ZSCAN25: variants seen among roughly 807,000 people sequenced by gnomAD.
ZSCAN25 encodes the protein zinc finger and SCAN domain-containing protein 25.
In ZSCAN25, 27 loss-of-function variants were observed where a neutral mutation model predicts 38.7. The observed-to-expected ratio is 0.70, with a 90% CI of 0.51 to 0.96. ZSCAN25 has a LOEUF of 0.96. Among genes scored for constraint, ZSCAN25 ranks in the 40% least tolerant of loss-of-function variants. The pLI is 0.00. For missense variants in ZSCAN25, 637 were observed against 705.9 expected (o/e 0.90, Z 1.11); for synonymous variants, 273 against 277.7 (o/e 0.98, Z 0.17).
chr7:99,737,634 T>C, the ZSCAN25 span, among the ~76,000 whole-genome samples: 1 of 152,234 alleles, frequency 6.6e-6, no homozygotes, highest in Non-Finnish European at 1.5e-5. Context: ...AAAACTCTTA[T>C]GGAAACGATT....
the ZSCAN25 span, chr7:99,676,403 T>A: frequency 6.6e-7 from 1 of 1,507,490 alleles, no homozygotes; most frequent in African/African-American, 1.4e-5. Context: ...CCCTGAAAAG[T>A]CTCAATGATT....
the ZSCAN25 span, among the ~76,000 whole-genome samples, chr7:99,690,324 A>G: frequency 2.6e-5 from 4 of 152,254 alleles, no homozygotes; most frequent in Non-Finnish European, 5.9e-5. Context: ...TACATGTTAG[A>G]CCTAAAACCA....
At chr7:99,675,915 C>G in the ZSCAN25 span, among the ~76,000 whole-genome samples, 8 of 151,182 alleles carry the variant, frequency 5.3e-5, no homozygotes, top group Admixed American at 1.3e-4. Flanking sequence ...AGGCTGTTCT[C>G]AAACTCCTGG....
chr7:99,726,672 T>G, the ZSCAN25 span, among the ~76,000 whole-genome samples: 1 of 152,152 alleles, frequency 6.6e-6, no homozygotes, highest in South Asian at 2.1e-4. Flanking sequence ...CCAAGCTCTC[T>G]CTCATGATTT....
At chr7:99,674,706 TGAAG>T in the ZSCAN25 span, 1 of 700,210 alleles carries the variant, frequency 1.4e-6, no homozygotes, top group Non-Finnish European at 2.4e-6. Flanking sequence ...CACTGGCAGT[TGAAG>T]GAAGCTATTC....
chr7:99,720,182 ATGGGCAGGATGAAG>A, the ZSCAN25 span: 1 of 1,081,034 alleles, frequency 9.3e-7, no homozygotes, highest in Non-Finnish European at 1.4e-6. Flanking sequence ...ACCATGGGGG[ATGGGCAGGATGAAG>A]TGTACATGGA....
At chr7:99,676,621 T>C in the ZSCAN25 span, 6 of 1,216,226 alleles carry the variant, frequency 4.9e-6, no homozygotes, top group Non-Finnish European at 6.7e-6. Context: ...GCACTGATGA[T>C]GAGATTTTGC....
chr7:99,673,903 C>G, the ZSCAN25 span, among the ~76,000 whole-genome samples: 1 of 152,346 alleles, frequency 6.6e-6, no homozygotes. Flanking sequence ...TGCTCCTAGC[C>G]TAGTTCAGAC....
the ZSCAN25 span, among the ~76,000 whole-genome samples, chr7:99,686,570 C>G: frequency 3.3e-5 from 5 of 152,246 alleles, no homozygotes; most frequent in Non-Finnish European, 2.9e-5. Flanking sequence ...TTAGGCTCCA[C>G]CTCTGGGGGC....
At chr7:99,710,984 C>A in the ZSCAN25 span, 1 of 1,595,292 alleles carries the variant, frequency 6.3e-7, no homozygotes, top group Non-Finnish European at 8.5e-7. Flanking sequence ...ACCTTCAAAT[C>A]CCCAGGGGAA....
chr7:99,722,821 T>C, the ZSCAN25 span, among the ~76,000 whole-genome samples: 2 of 152,306 alleles, frequency 1.3e-5, no homozygotes, highest in Admixed American at 1.3e-4. Context: ...ATTAGAAAGT[T>C]ACAGACACCA....
chr7:99,672,411 G>A, the ZSCAN25 span, among the ~76,000 whole-genome samples: 3 of 151,998 alleles, frequency 2.0e-5, no homozygotes, highest in East Asian at 5.8e-4. Flanking sequence ...GATATATATT[G>A]CAATATACAA....
chr7:99,710,944 A>G, the ZSCAN25 span: 3 of 1,612,604 alleles, frequency 1.9e-6, no homozygotes, highest in Non-Finnish European at 1.7e-6. Context: ...GTAGGGCATC[A>G]CAGTTTAGAT....
At chr7:99,635,366 T>C (rs923276479), downstream of ZSCAN25, among the ~76,000 whole-genome samples, 3 of 152,168 alleles carry the variant, frequency 2.0e-5, no homozygotes, top group African/African-American at 7.2e-5. Context: ...CTGATGCAAT[T>C]AAACAACTTC....
At chr7:99,710,099 T>C in the ZSCAN25 span, among the ~76,000 whole-genome samples, 1 of 152,262 alleles carries the variant, frequency 6.6e-6, no homozygotes, top group East Asian at 1.9e-4. Context: ...CTCACCTCAC[T>C]GCCACACAAA....
the ZSCAN25 span, chr7:99,695,754 A>G: frequency 1.1e-5 from 18 of 1,613,370 alleles, no homozygotes; most frequent in South Asian, 1.1e-5. Context: ...ACCTGATGGT[A>G]GGACAAAGTA....
At chr7:99,721,635 C>A in the ZSCAN25 span, among the ~76,000 whole-genome samples, 1 of 152,176 alleles carries the variant, frequency 6.6e-6, no homozygotes, top group Non-Finnish European at 1.5e-5. Context: ...CTAGTTTAGA[C>A]CGAAGACCTC....
the ZSCAN25 span, chr7:99,652,835 G>A: frequency 6.6e-5 from 88 of 1,341,830 alleles, no homozygotes; most frequent in Middle Eastern, 7.2e-4. Flanking sequence ...ACTCTCAACT[G>A]AGTCCATGCA....
At chr7:99,639,062 C>G in the ZSCAN25 span, among the ~76,000 whole-genome samples, 1 of 152,230 alleles carries the variant, frequency 6.6e-6, no homozygotes, top group South Asian at 2.1e-4. Flanking sequence ...TATTTAGCAG[C>G]AATCCTGGCC....
Sources: allele counts gnomAD v4.1 joint callset (sites outside exome capture counted in the v4.1 genomes callset), GRCh38; gene constraint gnomAD v4.1.1; transcripts MANE v1.5; gene names NCBI Gene and HGNC (gene_info 2026-07-23, HGNC 2026-07-21).